Variants in DTNA observed in about 807,000 individuals in gnomAD.
The protein encoded by DTNA is dystrophin-related protein 3.
Under a neutral mutation model 100.7 loss-of-function variants are expected in DTNA, and 43 were observed. The observed-to-expected ratio is 0.43, with a 90% CI of 0.33 to 0.55. DTNA has a LOEUF of 0.55. DTNA is among the 20% of genes least tolerant of loss of function. The pLI is 0.04. For synonymous variants in DTNA, 349 were observed against 347.9 expected (o/e 1.00, Z -0.04); for missense variants, 798 against 953.9 (o/e 0.84, Z 2.15).
chr18:34,500,683 C>T (rs2039813795), intron 1 of DTNA, among the ~76,000 whole-genome samples: 1 of 151,766 alleles, frequency 6.6e-6, no homozygotes, highest in African/African-American at 2.4e-5. Flanking sequence ...AGGCTGGTCA[C>T]GAACTCCTGA....
rs73424214 is a variant in DTNA at position 34,756,625 on chromosome 18, T to G, written c.67+582T>G. Among the ~76,000 whole-genome samples, 1,095 of 152,232 alleles carry G rather than the reference T, an allele frequency of 7.2e-3. 9 individuals are homozygous for G. The highest frequency in any genetic ancestry group is 0.025 in the African/African-American group (1,024 of 41,546). Reference sequence around the variant, plus strand: ...AGGAAAATAAAAGATAAAAGGAGCTTAGAGTTGACCTGCTACACAAGGGAA... The same window carrying G: ...AGGAAAATAAAAGATAAAAGGAGCTGAGAGTTGACCTGCTACACAAGGGAA... On this transcript the variant is annotated intron_variant, in intron 2 of 22. Transcript: ENST00000444659.
chr18:34,710,223 G>A (rs1449210417), upstream of DTNA: 1 of 152,120 alleles, frequency 6.6e-6, no homozygotes, highest in Non-Finnish European at 1.5e-5. Flanking sequence ...TATTTCAGCA[G>A]CTGGATTCAT....
chr18:34,708,247 G>C (rs531127824), upstream of DTNA: 1 of 152,264 alleles, frequency 6.6e-6, no homozygotes, highest in African/African-American at 2.4e-5. Flanking sequence ...TACAGTACTT[G>C]TTAGAGATCA....
chr18:34,726,182 C>CTGTATGTGGTATACATGTT (rs2086646195), intron 1 of DTNA, among the ~76,000 whole-genome samples: 3 of 152,076 alleles, frequency 2.0e-5, no homozygotes, highest in Non-Finnish European at 4.4e-5. Context: ...ACCCACATGG[C>CTGTATGTGGTATACATGTT]ACATGTATAC....
intron 1 of DTNA, among the ~76,000 whole-genome samples, chr18:34,654,811 C>T (rs1456771918): frequency 3.9e-5 from 6 of 152,056 alleles, no homozygotes; most frequent in African/African-American, 1.4e-4. Flanking sequence ...ACTGCAACCT[C>T]CGCCTCCTGG....
At chr18:34,700,693 C>G (rs1466646957) in intron 1 of DTNA, among the ~76,000 whole-genome samples, 4 of 152,216 alleles carry the variant, frequency 2.6e-5, no homozygotes, top group Non-Finnish European at 4.4e-5. Context: ...ATAAGCACTT[C>G]AGGTGTGCTT....
intron 15 of DTNA, among the ~76,000 whole-genome samples, chr18:34,852,515 C>G (rs2096493989): frequency 6.6e-6 from 1 of 152,180 alleles, no homozygotes; most frequent in Non-Finnish European, 1.5e-5. Context: ...TTCAGCCTGT[C>G]CTTTTCAAAA....
chr18:34,739,361 T>C (rs1192487319), intron 1 of DTNA, among the ~76,000 whole-genome samples: 2 of 152,178 alleles, frequency 1.3e-5, no homozygotes, highest in African/African-American at 4.8e-5. Flanking sequence ...ATCCTCAAGT[T>C]TGGACAAACA....
intron 1 of DTNA, among the ~76,000 whole-genome samples, chr18:34,721,759 C>T (rs192780807): frequency 5.3e-5 from 8 of 152,304 alleles, no homozygotes; most frequent in Admixed American, 1.3e-4. Context: ...CAAGTATATT[C>T]CTACGTATGT....
At chr18:34,866,804 A>G (rs2096709757) in intron 17 of DTNA, 2 of 997,190 alleles carry the variant, frequency 2.0e-6, no homozygotes, top group Non-Finnish European at 1.2e-6. Flanking sequence ...TCTCTTTTTA[A>G]AAAGTAACTC....
chr18:34,620,820 G>A (rs2147852432), intron 1 of DTNA, among the ~76,000 whole-genome samples: 1 of 152,184 alleles, frequency 6.6e-6, no homozygotes, highest in Non-Finnish European at 1.5e-5. Context: ...CTCCAGCATT[G>A]GAGATTACAT....
chr18:34,655,110 A>G (rs2074180665), intron 1 of DTNA, among the ~76,000 whole-genome samples: 1 of 152,142 alleles, frequency 6.6e-6, no homozygotes, highest in African/African-American at 2.4e-5. Context: ...TATGCAGGCA[A>G]TATATGATAT....
chr18:34,631,206 A>G (rs953915296), intron 1 of DTNA, among the ~76,000 whole-genome samples: 1 of 152,212 alleles, frequency 6.6e-6, no homozygotes, highest in Non-Finnish European at 1.5e-5. Flanking sequence ...CTTAGTAGCT[A>G]TAGCCATTAC....
intron 2 of DTNA, among the ~76,000 whole-genome samples, chr18:34,758,754 A>T (rs949117428): frequency 6.6e-5 from 10 of 152,232 alleles, no homozygotes; most frequent in Non-Finnish European, 1.5e-4. Context: ...TCTAAAGTAA[A>T]TGCTGTAAGA....
chr18:34,662,529 G>A (rs569662052), intron 1 of DTNA, among the ~76,000 whole-genome samples: 9 of 152,064 alleles, frequency 5.9e-5, no homozygotes, highest in Non-Finnish European at 1.3e-4. Context: ...ACATGTGAGG[G>A]ACAAAAATCT....
intron 1 of DTNA, among the ~76,000 whole-genome samples, chr18:34,624,632 A>G (rs2057052361): frequency 6.6e-6 from 1 of 152,238 alleles, no homozygotes; most frequent in Admixed American, 6.5e-5. Flanking sequence ...TAAAGTTGAA[A>G]TTTAATAGAA....
chr18:34,572,013 G>A (rs920455497), intron 1 of DTNA, among the ~76,000 whole-genome samples: 179 of 152,264 alleles, frequency 1.2e-3, no homozygotes, highest in African/African-American at 4.2e-3. Context: ...ATGCATTTGT[G>A]CAAGGCCCTG....
intron 1 of DTNA, among the ~76,000 whole-genome samples, chr18:34,602,041 A>G (rs1433551755): frequency 6.6e-6 from 1 of 152,226 alleles, no homozygotes; most frequent in Non-Finnish European, 1.5e-5. Flanking sequence ...GCCTAGGCTC[A>G]GGGAATATGG....
intron 17 of DTNA, among the ~76,000 whole-genome samples, chr18:34,864,406 A>G (rs2096670140): frequency 6.6e-6 from 1 of 151,940 alleles, no homozygotes; most frequent in African/African-American, 2.4e-5. Flanking sequence ...GGCCCCCGCC[A>G]CCGCGCCCGG....
Sources: gnomAD v4.1 joint callset for allele counts (sites outside exome capture counted in the v4.1 genomes callset) on GRCh38, gnomAD v4.1.1 for gene constraint, MANE v1.5 for transcripts, NCBI Gene and HGNC (gene_info 2026-07-23, HGNC 2026-07-21) for gene names.